The following KIAA0319 variants were observed in gnomAD, a reference collection of about 807,000 sequenced individuals.
KIAA0319 encodes the protein dyslexia-associated protein KIAA0319.
KIAA0319 carries 83 observed loss-of-function variants against 108.4 expected under a neutral mutation model. That is an observed-to-expected ratio of 0.77 (90% CI 0.64 to 0.92). KIAA0319 has a LOEUF of 0.92. Among genes scored for constraint, KIAA0319 ranks in the 40% least tolerant of loss-of-function variants. KIAA0319 has a pLI of 0.00. For synonymous variants in KIAA0319, 484 were observed against 510.4 expected (o/e 0.95, Z 0.70); for missense variants, 1,195 against 1,322.4 (o/e 0.90, Z 1.49).
At chr6:24,640,655 A>G (rs536057764) in intron 1 of KIAA0319, among the ~76,000 whole-genome samples, 1 of 152,152 alleles carries the variant, frequency 6.6e-6, no homozygotes, top group Admixed American at 6.5e-5. Context: ...TACCATTTTA[A>G]CCATTTTTAT....
rs780291754 is a variant in KIAA0319 at position 24,596,569 on chromosome 6, G to A, written c.105C>T (p.Val35=). 6.2e-6 allele frequency: 10 copies of A among 1,613,456 alleles called. No individual in the cohort carries two copies. The highest frequency in any genetic ancestry group is 7.6e-6 in the Non-Finnish European group (9 of 1,179,872). ...TGGTGGTTTCCAAGTTAGGTGAAAT[G>A]ACTGCATTGGAATATGTCCTCCCCT... The part of the protein sequence containing the change: ...CSEGRTYSNA[V]ISPNLETTRI... Residue 35 remains valine, a synonymous_variant, in exon 3 of 21, where the codon GTC becomes GTT. Transcript: ENST00000378214.
At chr6:24,598,895 TA>T (rs1000325479) in intron 2 of KIAA0319, 3 of 359,282 alleles carry the variant, frequency 8.3e-6, no homozygotes, top group Non-Finnish European at 1.6e-5. Context: ...AAATAAAAAG[TA>T]AAAAAATAAT....
intron 1 of KIAA0319, among the ~76,000 whole-genome samples, chr6:24,621,616 T>TG (rs1277334648): frequency 1.3e-5 from 2 of 152,088 alleles, no homozygotes; most frequent in Non-Finnish European, 2.9e-5. Context: ...ATGGTCTTAC[T>TG]GGGGGGAAAA....
intron 1 of KIAA0319, among the ~76,000 whole-genome samples, chr6:24,614,626 A>G (rs1307053520): frequency 6.6e-6 from 1 of 152,182 alleles, no homozygotes; most frequent in Admixed American, 6.6e-5. Flanking sequence ...AGGCTAAGGT[A>G]TCCAAGAATT....
Position 24,596,009 on chromosome 6 carries a change from G to A in KIAA0319, c.665C>T (p.Ala222Val). 2 of 1,614,204 alleles carry A rather than the reference G, an allele frequency of 1.2e-6. No homozygotes were observed. The highest frequency in any genetic ancestry group is 1.1e-5 in the South Asian group (1 of 91,088). Residue 222 changes from alanine to valine, a missense_variant, in exon 3 of 21, where the codon GCT (alanine) becomes GTT (valine). Transcript: ENST00000378214. ...AGGGAGTTTTGGGGCAGGGGTTGAAGCCGACTCATTCAGGTAATGGAGCTC... is the reference window on the plus strand; with the variant it reads ...AGGGAGTTTTGGGGCAGGGGTTGAAACCGACTCATTCAGGTAATGGAGCTC... ...DPELHYLNES[A>V]STPAPKLPER... is the part of the protein sequence containing the mutation.
chr6:24,623,152 C>T (rs754663976), intron 1 of KIAA0319, among the ~76,000 whole-genome samples: 9 of 152,128 alleles, frequency 5.9e-5, no homozygotes, highest in Admixed American at 2.0e-4. Context: ...AACACCTGTT[C>T]TACGTGGCTG....
chr6:24,582,201 A>G (rs1462644231), intron 6 of KIAA0319, 48 bp downstream of exon 6: 1 of 1,048,146 alleles, frequency 9.5e-7, no homozygotes, highest in South Asian at 1.3e-5. Context: ...ACTGAGCTCT[A>G]TGCCGTTACG....
intron 19 of KIAA0319, among the ~76,000 whole-genome samples, chr6:24,552,873 G>A (rs556081326): frequency 6.6e-6 from 1 of 152,282 alleles, no homozygotes; most frequent in Admixed American, 6.5e-5. Context: ...CCAAAGTGCT[G>A]AGGTTACAGG....
At chr6:24,630,093 T>G (rs1239127048) in intron 1 of KIAA0319, among the ~76,000 whole-genome samples, 1 of 152,018 alleles carries the variant, frequency 6.6e-6, no homozygotes, top group Non-Finnish European at 1.5e-5. Context: ...GCAGGAGAAT[T>G]GCTTGAACCT....
chr6:24,630,681 GTGTA>G (rs1408315041), intron 1 of KIAA0319, among the ~76,000 whole-genome samples: 7 of 51,996 alleles, frequency 1.3e-4, no homozygotes, highest in East Asian at 1.3e-3. Context: ...GTGTGTATAT[GTGTA>G]TATATATATA....
At chr6:24,558,425 T>A (rs1762630950) in intron 17 of KIAA0319, among the ~76,000 whole-genome samples, 1 of 151,586 alleles carries the variant, frequency 6.6e-6, no homozygotes, top group South Asian at 2.1e-4. Flanking sequence ...CAAATTAAAT[T>A]TTACTGCCCA....
At chr6:24,616,252 A>T (rs16889523) in intron 1 of KIAA0319, among the ~76,000 whole-genome samples, 34,690 of 152,238 alleles carry the variant, frequency 0.23, 4,336 homozygotes, top group African/African-American at 0.33. Context: ...CTCTTGAGGT[A>T]TCCTTAAAAT....
intron 1 of KIAA0319, among the ~76,000 whole-genome samples, chr6:24,620,666 C>T (rs757124287): frequency 4.6e-4 from 70 of 152,146 alleles, no homozygotes; most frequent in South Asian, 8.3e-4. Flanking sequence ...TATTAGTCTG[C>T]TCAAGCTTCC....
At chr6:24,619,007 GAA>G (rs989103657) in intron 1 of KIAA0319, among the ~76,000 whole-genome samples, 5 of 152,148 alleles carry the variant, frequency 3.3e-5, no homozygotes, top group African/African-American at 1.2e-4. Flanking sequence ...CAGCTGAGAG[GAA>G]AGAGTTCCCA....
At chr6:24,639,846 T>TAA (rs34542799) in intron 1 of KIAA0319, among the ~76,000 whole-genome samples, 71,841 of 134,426 alleles carry the variant, frequency 0.53, 19,583 homozygotes, top group East Asian at 0.81. Flanking sequence ...GACTCCATCT[T>TAA]AAAAAAAAAA....
Position 24,596,095 on chromosome 6 carries a change from C to A in KIAA0319, c.579G>T (p.Gly193=), listed in dbSNP as rs1347128894. The change falls in exon 3 of 21, where the codon GGG becomes GGT. Residue 193 remains glycine, a synonymous_variant. Transcript: ENST00000378214. ...TDWGLLPGSE[G]AFNSSVGDSP... ...TGTCTCCAACAGAGGAGTTGAAGGCCCCCTCGCTGCCCGGCAGTAGGCCCC... is the reference window on the plus strand; with the variant it reads ...TGTCTCCAACAGAGGAGTTGAAGGCACCCTCGCTGCCCGGCAGTAGGCCCC... 6.2e-7 allele frequency: 1 copy of A among 1,613,942 alleles called. No individual in the cohort carries two copies. The highest frequency in any genetic ancestry group is 8.5e-7 in the Non-Finnish European group (1 of 1,179,968).
chr6:24,587,080 AGTTCTGT>A (rs1767622924), intron 4 of KIAA0319, among the ~76,000 whole-genome samples: 2 of 151,756 alleles, frequency 1.3e-5, no homozygotes, highest in African/African-American at 2.4e-5. Context: ...ATCTAATTTT[AGTTCTGT>A]ATTTTCATAT....
At chr6:24,629,514 C>CAAAAAAAAA (rs397974257) in intron 1 of KIAA0319, among the ~76,000 whole-genome samples, 1,318 of 42,098 alleles carry the variant, frequency 0.031, 260 homozygotes, top group Middle Eastern at 0.075. Context: ...GACTCTGTCT[C>CAAAAAAAAA]AAAAAAAAAA....
downstream of KIAA0319, among the ~76,000 whole-genome samples, chr6:24,540,441 G>A (rs1760160485): frequency 6.6e-6 from 1 of 152,124 alleles, no homozygotes; most frequent in Non-Finnish European, 1.5e-5. Context: ...ATTTCACTAT[G>A]CCAGGCATGA....
Sources: gnomAD v4.1 joint callset for allele counts (sites outside exome capture counted in the v4.1 genomes callset) on GRCh38, gnomAD v4.1.1 for gene constraint, MANE v1.5 for transcripts, NCBI Gene and HGNC (gene_info 2026-07-23, HGNC 2026-07-21) for gene names.